The following MYCBP2 variants were observed in gnomAD, a reference collection of about 807,000 sequenced individuals.
MYCBP2 encodes MYC binding protein 2.
MYCBP2 carries 120 observed loss-of-function variants against 525.3 expected under a neutral mutation model. The ratio of observed to expected loss-of-function variants is 0.23; its 90% CI spans 0.20 to 0.27. The LOEUF is 0.27. MYCBP2 is among the 10% of genes least tolerant of loss of function. The pLI is 1.00. For missense variants in MYCBP2, 4,149 were observed against 5,657.1 expected, an observed-to-expected ratio of 0.73 and a Z score of 8.55; for synonymous variants, 1,894 against 1,955.8, an observed-to-expected ratio of 0.97 and a Z score of 0.83.
chr13:77,193,183 A>C (rs1280073909), intron 27 of MYCBP2, among the ~76,000 whole-genome samples: 2 of 152,104 alleles, frequency 1.3e-5, no homozygotes, highest in Non-Finnish European at 2.9e-5. Context: ...ACGGCAAATG[A>C]CAATGGCACC....
At chr13:77,121,680 T>C (rs2050716042) in intron 54 of MYCBP2, among the ~76,000 whole-genome samples, 185 bp from the exon 55 acceptor site, 3 of 152,238 alleles carry the variant, frequency 2.0e-5, no homozygotes, top group Admixed American at 2.0e-4. Context: ...GACAAATCTT[T>C]GTTTTTATTT....
At chr13:77,214,020 A>G (rs963045802) in intron 21 of MYCBP2, among the ~76,000 whole-genome samples, 1 of 152,236 alleles carries the variant, frequency 6.6e-6, no homozygotes, top group Non-Finnish European at 1.5e-5. Context: ...AGCACAGGGA[A>G]ACACATGCCC....
chr13:77,185,346 G>C lies in MYCBP2; in HGVS notation c.4476C>G (p.Ser1492Arg), dbSNP rs768788939. The C allele has an allele frequency of 6.2e-7, 1 of 1,613,146 alleles. No homozygotes were observed. Among genetic ancestry groups the C allele is most frequent in the Non-Finnish European group, 8.5e-7 (1 of 1,179,392 alleles). The change falls in exon 32 of 83, where the codon AGC becomes AGG. Residue 1492 changes from serine (S) to arginine (R), a missense_variant. Physicochemically the swap from Ser to Arg is moderately radical, Grantham distance 110. Around this residue, in one of 21 missense-constraint regions of MYCBP2, gnomAD observed 292 missense variants for 330.5 expected, o/e 0.88. Transcript: ENST00000544440. ...ATGKAVVEET[S>R]KLAECIGKTR... ...TTTTTCCAATACACTCTGCTAATTT[G>C]CTAGTTTCTTCTACAACTGCTTTTC... is the stretch of plus-strand genomic sequence containing the variant.
chr13:77,187,196 T>C (rs1282676409), intron 30 of MYCBP2, among the ~76,000 whole-genome samples: 2 of 152,064 alleles, frequency 1.3e-5, no homozygotes, highest in Non-Finnish European at 2.9e-5. Flanking sequence ...CACTTAAACA[T>C]AAATACAAAG....
At chr13:77,201,090 AG>A in intron 26 of MYCBP2, among the ~76,000 whole-genome samples, 1 of 152,346 alleles carries the variant, frequency 6.6e-6, no homozygotes, top group Admixed American at 6.5e-5. Context: ...TAAAAGACAC[AG>A]ACTGGCACAT....
chr13:77,068,000 T>A (rs1409391361), intron 70 of MYCBP2, 136 bp from the exon 71 acceptor site: 4 of 789,818 alleles, frequency 5.1e-6, no homozygotes, highest in Non-Finnish European at 7.8e-6. Context: ...CAACCACAGC[T>A]CACTGCAGCC....
At chr13:77,182,230 G>A (rs888330785) in intron 32 of MYCBP2, among the ~76,000 whole-genome samples, 1 of 152,058 alleles carries the variant, frequency 6.6e-6, no homozygotes, top group Non-Finnish European at 1.5e-5. Flanking sequence ...CTGTTTCAAA[G>A]GGAGATGCCA....
In MYCBP2 at chr13:77,185,290, T is replaced by C. The variant is rs757632233; in HGVS notation, c.4532A>G (p.Glu1511Gly). The C allele has an allele frequency of 2.5e-6, 4 of 1,614,046 alleles. No homozygotes were observed. The highest frequency in any genetic ancestry group is 2.5e-6 in the Non-Finnish European group (3 of 1,180,010). Reference protein sequence around the residue: ...TRTLLRKILSEGVDHCMVKLD... With the variant: ...TRTLLRKILSGGVDHCMVKLD... ...TTTCACCATGCAGTGATCAACTCCT[T>C]CTGATAAAATTTTTCTTAACAAAGT... is the stretch of plus-strand genomic sequence containing the variant. The change falls in exon 32 of 83, where the codon GAA (glutamate) becomes GGA (glycine). Residue 1511 changes from glutamate (E) to glycine (G), a missense_variant. Transcript: ENST00000544440.
chr13:77,275,135 T>C (rs1594563810), intron 4 of MYCBP2, among the ~76,000 whole-genome samples: 1 of 152,226 alleles, frequency 6.6e-6, no homozygotes, highest in Non-Finnish European at 1.5e-5. Flanking sequence ...TGACAAAGAA[T>C]GTCTCTACCC....
At chr13:77,104,339 C>T (rs73239466) in intron 55 of MYCBP2, among the ~76,000 whole-genome samples, 3,401 of 152,072 alleles carry the variant, frequency 0.022, 59 homozygotes, top group Middle Eastern at 0.078. Context: ...GTATATATTA[C>T]GTGTTAGATA....
rs542395906 is a variant in MYCBP2, at chr13:77,267,439, T to A, written c.1357+402A>T. 2.2e-3 allele frequency among the ~76,000 whole-genome samples: 327 copies of A among 150,864 alleles called. 5 individuals are homozygous for A. Among genetic ancestry groups the A allele is most frequent in the African/African-American group, 7.1e-3 (293 of 41,304 alleles). ...TAAATTAAATTAAATAAAATTAAAT[T>A]AAATTAAATAAGGAGGAAAACCCAA... On this transcript the variant is annotated intron_variant, in intron 8 of 82. Coordinates refer to ENST00000544440, the MANE Select transcript of MYCBP2 (RefSeq NM_015057.5).
At position 77,099,006 on chromosome 13, in the gene MYCBP2, T is replaced by C. The variant is rs1366818839; in HGVS notation, c.8148A>G (p.Arg2716=). Residue 2716 remains arginine (R), a synonymous_variant, in exon 56 of 83, where the codon CGA becomes CGG. Transcript: ENST00000544440. ...DYGLGNSKGD[R]GNISTSSKPA... ...GTTTAGAAGATGTTGAGATGTTTCC[T>C]CGATCACCTGTATGGTCCATTTTAC... The C allele has an allele frequency of 1.9e-6, 3 of 1,605,474 alleles. No individual in the cohort carries two copies. The highest frequency in any genetic ancestry group is 2.2e-5 in the South Asian group (2 of 90,946).
chr13:77,121,757 C>T (rs1304697562), intron 54 of MYCBP2, among the ~76,000 whole-genome samples: 2 of 152,076 alleles, frequency 1.3e-5, no homozygotes, highest in East Asian at 3.9e-4. Context: ...TTTATTGTGG[C>T]AGGATACATT....
chr13:77,153,396 G>A (rs1240945478), intron 46 of MYCBP2, among the ~76,000 whole-genome samples: 3 of 152,224 alleles, frequency 2.0e-5, no homozygotes, highest in Admixed American at 6.5e-5. Flanking sequence ...AAGTAAATGA[G>A]CCACACGACA....
intron 2 of MYCBP2, 58 bp downstream of exon 2, chr13:77,296,541 T>G (rs999999425): frequency 2.3e-5 from 34 of 1,508,716 alleles, no homozygotes; most frequent in Non-Finnish European, 3.5e-6. Context: ...TCTTGGCATT[T>G]TTATTCAAAT....
intron 26 of MYCBP2, among the ~76,000 whole-genome samples, chr13:77,196,173 A>G (rs2061737696): frequency 6.6e-6 from 1 of 152,238 alleles, no homozygotes; most frequent in Admixed American, 6.5e-5. Flanking sequence ...GCAAGTGAAG[A>G]GGTACTGAGA....
Position 77,206,764 on chromosome 13 carries a change from G to A in MYCBP2, c.3478C>T (p.Pro1160Ser), listed in dbSNP as rs1356351785. 6.2e-7 allele frequency: 1 copy of A among 1,611,312 alleles called. No homozygotes were observed. The highest frequency in any genetic ancestry group is 2.2e-5 in the East Asian group (1 of 44,838). Residue 1160 changes from proline (P) to serine (S), a missense_variant, in exon 24 of 83, where the codon CCC becomes TCC. By Grantham distance (74) the Pro-to-Ser change is moderately conservative. Transcript: ENST00000544440. ...YNAVVADARL[P>S]SAADMQSRCS... is the part of the protein sequence containing the mutation. The stretch of plus-strand genomic sequence containing the variant: ...CTGGACTGCATGTCTGCTGCAGAGG[G>A]AAGCCTGGCATCAGCAACCACCGCA...
At chr13:77,162,072 G>C in intron 43 of MYCBP2, 117 bp from the exon 44 acceptor site, 1 of 698,452 alleles carries the variant, frequency 1.4e-6, no homozygotes, top group Non-Finnish European at 2.4e-6. Context: ...ATTCCAGATT[G>C]AAAAGATTTG....
chr13:77,055,723 T>C lies in MYCBP2; in HGVS notation c.13482A>G (p.Ile4494Met). Reference sequence around the variant, plus strand: ...TTCTGACATCCTCATAGAGTTCTTTTATTGGATCAAGTAGGTCTTTTAGTA... The same window carrying C: ...TTCTGACATCCTCATAGAGTTCTTTCATTGGATCAAGTAGGTCTTTTAGTA... ...HIVLKDLLDP[I>M]KELYEDVRRK... The change falls in exon 80 of 83, where the codon ATA becomes ATG. Residue 4494 changes from isoleucine to methionine, a missense_variant. Ile to Met is a conservative substitution (Grantham distance 10, BLOSUM62 1). Coordinates refer to ENST00000544440, the MANE Select transcript of MYCBP2 (RefSeq NM_015057.5). The C allele has an allele frequency of 1.2e-6, 2 of 1,613,894 alleles. No homozygotes were observed. Among genetic ancestry groups the C allele is most frequent in the Non-Finnish European group, 1.7e-6 (2 of 1,179,914 alleles).
Sources: allele counts gnomAD v4.1 joint callset (sites outside exome capture counted in the v4.1 genomes callset), GRCh38; gene constraint gnomAD v4.1.1; regional missense constraint gnomAD v4.1.1; transcripts MANE v1.5; gene names NCBI Gene and HGNC (gene_info 2026-07-23, HGNC 2026-07-21).